Variants in SCHIP1 observed in about 807,000 individuals in gnomAD.
SCHIP1 encodes schwannomin-interacting protein 1.
In SCHIP1, 8 loss-of-function variants were observed where a neutral mutation model predicts 29.7. The observed-to-expected ratio is 0.27, with a 90% CI of 0.16 to 0.49. The LOEUF is 0.49. SCHIP1 is among the 20% of genes least tolerant of loss of function. SCHIP1 has a pLI of 0.99. For synonymous variants in SCHIP1, 76 were observed against 94.9 expected, an observed-to-expected ratio of 0.80 and a Z score of 1.16; for missense variants, 193 against 294.6, an observed-to-expected ratio of 0.66 and a Z score of 2.52.
chr3:159,801,842 G>T, the SCHIP1 span, among the ~76,000 whole-genome samples: 4 of 151,976 alleles, frequency 2.6e-5, no homozygotes, highest in Non-Finnish European at 5.9e-5. Context: ...AAAAAACTCA[G>T]ATTTTAATGA....
At chr3:159,793,150 C>A in the SCHIP1 span, among the ~76,000 whole-genome samples, 1 of 152,158 alleles carries the variant, frequency 6.6e-6, no homozygotes, top group Non-Finnish European at 1.5e-5. Context: ...GTGCGTTTAA[C>A]ATGTTCAGAC....
the SCHIP1 span, among the ~76,000 whole-genome samples, chr3:159,561,551 G>A: frequency 3.3e-5 from 5 of 151,918 alleles, no homozygotes; most frequent in East Asian, 3.9e-4. Context: ...AAAATTGCAC[G>A]TAGATCAAAT....
chr3:159,828,388 C>CACATATATATGTAT, the SCHIP1 span, among the ~76,000 whole-genome samples: 2 of 65,328 alleles, frequency 3.1e-5, no homozygotes, highest in African/African-American at 9.1e-5. Context: ...TATATATATA[C>CACATATATATGTAT]ATATATACGT....
At chr3:159,382,285 G>A in the SCHIP1 span, among the ~76,000 whole-genome samples, 1 of 144,484 alleles carries the variant, frequency 6.9e-6, no homozygotes, top group African/African-American at 2.6e-5. Flanking sequence ...AGTCCCCAGA[G>A]TGTGATGTTC....
At chr3:159,506,519 T>G in the SCHIP1 span, among the ~76,000 whole-genome samples, 9 of 152,250 alleles carry the variant, frequency 5.9e-5, no homozygotes, top group Admixed American at 5.9e-4. Flanking sequence ...GCTTTTGGTG[T>G]TTTAGACAGG....
At chr3:159,535,181 CATA>C in the SCHIP1 span, among the ~76,000 whole-genome samples, 1 of 152,104 alleles carries the variant, frequency 6.6e-6, no homozygotes, top group Non-Finnish European at 1.5e-5. Context: ...AACAAAATTG[CATA>C]ATATTTTTGC....
the SCHIP1 span, among the ~76,000 whole-genome samples, chr3:159,696,206 C>T: frequency 6.6e-6 from 1 of 152,164 alleles, no homozygotes; most frequent in Admixed American, 6.5e-5. Context: ...ACATTTGTGG[C>T]TTCCTTTACC....
chr3:159,344,321 CAAA>C, the SCHIP1 span, among the ~76,000 whole-genome samples: 1 of 126,304 alleles, frequency 7.9e-6, no homozygotes. Flanking sequence ...AACTCCATCT[CAAA>C]AAAAAAAAAA....
At chr3:159,813,355 T>C in the SCHIP1 span, among the ~76,000 whole-genome samples, 16 of 152,338 alleles carry the variant, frequency 1.1e-4, no homozygotes, top group Non-Finnish European at 1.9e-4. Context: ...AATTAAGTGA[T>C]GTTTGTAATT....
chr3:159,487,025 T>A, the SCHIP1 span, among the ~76,000 whole-genome samples: 1 of 152,240 alleles, frequency 6.6e-6, no homozygotes, highest in Non-Finnish European at 1.5e-5. Context: ...TCTTGGAGAA[T>A]AGACTGGTGA....
chr3:159,618,000 G>A, the SCHIP1 span, among the ~76,000 whole-genome samples: 118 of 151,426 alleles, frequency 7.8e-4, no homozygotes, highest in South Asian at 0.013. Flanking sequence ...GTGAAAAACA[G>A]AAAAAAAAAT....
intron 1 of SCHIP1, among the ~76,000 whole-genome samples, chr3:159,849,365 T>A (rs1420881067): frequency 1.3e-5 from 2 of 152,208 alleles, no homozygotes; most frequent in African/African-American, 2.4e-5. Flanking sequence ...TAATCAGGCA[T>A]ATCATTTTAT....
the SCHIP1 span, among the ~76,000 whole-genome samples, chr3:159,453,125 G>C: frequency 3.9e-5 from 6 of 152,190 alleles, no homozygotes; most frequent in Non-Finnish European, 8.8e-5. Context: ...ACTCCAGTTA[G>C]GGTTTCCCAA....
chr3:159,626,129 G>T, the SCHIP1 span, among the ~76,000 whole-genome samples: 2,669 of 114,550 alleles, frequency 0.023, 243 homozygotes, highest in African/African-American at 0.14. Flanking sequence ...TAGATAGATA[G>T]ATAGATAGAT....
At chr3:159,736,642 G>C in the SCHIP1 span, among the ~76,000 whole-genome samples, 1 of 152,012 alleles carries the variant, frequency 6.6e-6, no homozygotes, top group African/African-American at 2.4e-5. Flanking sequence ...CCTTCCAAGG[G>C]AGAGAGACTG....
chr3:159,368,657 A>G, the SCHIP1 span, among the ~76,000 whole-genome samples: 7 of 152,150 alleles, frequency 4.6e-5, no homozygotes, highest in Admixed American at 4.6e-4. Flanking sequence ...ATTAAAAACT[A>G]TTTTTGGAAG....
chr3:159,864,332 C>T (rs1432012825), intron 1 of SCHIP1, among the ~76,000 whole-genome samples: 1 of 152,082 alleles, frequency 6.6e-6, no homozygotes, highest in East Asian at 1.9e-4. Flanking sequence ...TGCTTCCCTC[C>T]ATAACCTTAT....
At chr3:159,886,632 T>A (rs575575991) in intron 3 of SCHIP1, 2 of 258,320 alleles carry the variant, frequency 7.7e-6, no homozygotes, top group Admixed American at 1.0e-4. Flanking sequence ...TCATGGTGCC[T>A]ATAGTCCCAG....
At chr3:159,620,854 CT>C in the SCHIP1 span, among the ~76,000 whole-genome samples, 4 of 152,136 alleles carry the variant, frequency 2.6e-5, no homozygotes, top group Non-Finnish European at 4.4e-5. Context: ...TAGCTTCAGG[CT>C]TTTTTTAAAA....
Sources: allele counts gnomAD v4.1 joint callset (sites outside exome capture counted in the v4.1 genomes callset), GRCh38; gene constraint gnomAD v4.1.1; transcripts MANE v1.5; gene names NCBI Gene and HGNC (gene_info 2026-07-23, HGNC 2026-07-21).